The following USP15 variants were observed in gnomAD, a reference collection of about 807,000 sequenced individuals.
USP15 encodes ubiquitin specific peptidase 15.
USP15 carries 18 observed loss-of-function variants against 127.1 expected under a neutral mutation model. The ratio of observed to expected loss-of-function variants is 0.14; its 90% confidence interval spans 0.10 to 0.21. The LOEUF (loss-of-function observed/expected upper bound fraction) is 0.21. USP15 is among the 10% of genes least tolerant of loss of function. USP15 has a pLI of 1.00. For missense variants in USP15, 805 were observed against 1,159.9 expected (o/e 0.69, Z 4.44); for synonymous variants, 364 against 393.7 (o/e 0.92, Z 0.89).
chr12:62,392,636 C>T (rs1190351581), intron 18 of USP15, among the ~76,000 whole-genome samples: 1 of 151,868 alleles, frequency 6.6e-6, no homozygotes, highest in African/African-American at 2.4e-5. Context: ...TTTTAGTTAC[C>T]TTTTTTCCAA....
In USP15 at chr12:62,364,831, A is replaced by G. The variant is rs568952243; in HGVS notation, c.915+9356A>G. Among the ~76,000 whole-genome samples the G allele has an allele frequency of 1.8e-3, 268 of 151,914 alleles. 4 individuals are homozygous for G. Among genetic ancestry groups the G allele is most frequent in the Middle Eastern group, 3.4e-3 (1 of 294 alleles). ...GCAGTGTTTGATTTTCTGTTGTGAT[A>G]GTTTGCTGAGAATGATGGTTTCCAG... On this transcript the variant is annotated intron_variant, in intron 8 of 21. Transcript: ENST00000280377.
chr12:62,408,822 T>TA lies in USP15; in HGVS notation c.*4448dup, dbSNP rs2067960805. 1 of 152,068 alleles carries TA rather than the reference T, an allele frequency of 6.6e-6. No individual in the cohort carries two copies. The highest frequency in any genetic ancestry group is 6.6e-5 in the Admixed American group (1 of 15,248). The allele number at this position is 152,068 out of a possible 1,614,324, so 9.4% of individuals were successfully genotyped here. On this transcript the variant is annotated 3_prime_UTR_variant, in exon 22 of 22. Coordinates refer to ENST00000280377, the MANE Select transcript of USP15 (RefSeq NM_001252078.2). Reference sequence around the variant, plus strand: ...TATGATGGTTTTTTAATAATCATTTTAGGTTTGGAGGCCATTTCAATTCAA... The same window carrying TA: ...TATGATGGTTTTTTAATAATCATTTTAAGGTTTGGAGGCCATTTCAATTCAA...
At chr12:62,339,891 T>C (rs1426065645) in intron 6 of USP15, among the ~76,000 whole-genome samples, 3 of 152,234 alleles carry the variant, frequency 2.0e-5, no homozygotes, top group African/African-American at 7.2e-5. Context: ...AGGATGATGC[T>C]GGCCCCATAA....
intron 1 of USP15, among the ~76,000 whole-genome samples, chr12:62,265,333 A>G (rs747760840): frequency 5.3e-5 from 8 of 152,208 alleles, no homozygotes; most frequent in South Asian, 2.1e-4. Context: ...TAAAAACACT[A>G]TGTGCCAGGT....
At chr12:62,369,084 C>G (rs182361364) in intron 8 of USP15, among the ~76,000 whole-genome samples, 1 of 152,184 alleles carries the variant, frequency 6.6e-6, no homozygotes, top group East Asian at 1.9e-4. Flanking sequence ...TCTAGAAGTT[C>G]ATGTTTAGTG....
intron 4 of USP15, among the ~76,000 whole-genome samples, chr12:62,318,960 T>C (rs552486782): frequency 3.3e-5 from 5 of 152,168 alleles, no homozygotes; most frequent in Non-Finnish European, 5.9e-5. Context: ...TTGGTTAGGA[T>C]TGTTGCAGTA....
intron 8 of USP15, among the ~76,000 whole-genome samples, chr12:62,366,325 G>A (rs1208392237): frequency 3.3e-5 from 5 of 152,196 alleles, no homozygotes; most frequent in Admixed American, 1.3e-4. Flanking sequence ...GTGAATGGAA[G>A]TGCACTCATG....
Position 62,404,463 on chromosome 12 carries a change from G to T in USP15, c.*88G>T, listed in dbSNP as rs898755433. 7.1e-7 allele frequency: 1 copy of T among 1,413,964 alleles called. No homozygotes were observed. The highest frequency in any genetic ancestry group is 9.3e-7 in the Non-Finnish European group (1 of 1,078,016). 87.6% of individuals were successfully genotyped at this position (1,413,964 alleles called of 1,614,324 possible). ...AGTTACCCACCACATTAAAACAAAA[G>T]TCTGAGATGGGGAGTTTCAGATAAC... is the stretch of plus-strand genomic sequence containing the variant. On this transcript the variant is annotated 3_prime_UTR_variant, in exon 22 of 22. Coordinates refer to ENST00000280377, the MANE Select transcript of USP15 (RefSeq NM_001252078.2).
At position 62,411,074 on chromosome 12, in the gene USP15, A is replaced by G. The variant is rs183522598; in HGVS notation, c.*6699A>G. Reference sequence around the variant, plus strand: ...ATTCCTAACCCACAAAAACTGTGAGATAACAGATGTTTGTGTTTTTAGCTG... The same window carrying G: ...ATTCCTAACCCACAAAAACTGTGAGGTAACAGATGTTTGTGTTTTTAGCTG... On this transcript the variant is annotated 3_prime_UTR_variant, in exon 22 of 22. Transcript: ENST00000280377. The G allele has an allele frequency of 6.6e-6, 1 of 152,330 alleles. No individual in the cohort carries two copies. Among genetic ancestry groups the G allele is most frequent in the Non-Finnish European group, 1.5e-5 (1 of 68,038 alleles). The allele number at this position is 152,330 out of a possible 1,614,324, so 9.4% of individuals were successfully genotyped here.
intron 2 of USP15, among the ~76,000 whole-genome samples, chr12:62,297,295 A>G (rs2064159128): frequency 6.6e-6 from 1 of 152,150 alleles, no homozygotes; most frequent in Non-Finnish European, 1.5e-5. Flanking sequence ...GGAAGAGGAA[A>G]AGGAGTGGAG....
intron 11 of USP15, among the ~76,000 whole-genome samples, chr12:62,387,412 G>C (rs538568453): frequency 1.3e-5 from 2 of 152,194 alleles, no homozygotes; most frequent in African/African-American, 4.8e-5. Context: ...CTTCCAAGGA[G>C]AGCATATAAA....
chr12:62,367,686 G>T (rs1263311104), intron 8 of USP15, among the ~76,000 whole-genome samples: 2 of 151,950 alleles, frequency 1.3e-5, no homozygotes, highest in Non-Finnish European at 2.9e-5. Flanking sequence ...GCGTCTTTTT[G>T]ATTCTTCTCT....
At chr12:62,365,167 CCCA>C (rs1281594850) in intron 8 of USP15, among the ~76,000 whole-genome samples, 2 of 152,154 alleles carry the variant, frequency 1.3e-5, no homozygotes, top group African/African-American at 4.8e-5. Context: ...AATTTACACT[CCCA>C]CCAACAGTGT....
At position 62,394,245 on chromosome 12, in the gene USP15, A is replaced by G. The variant is rs888741986; in HGVS notation, c.2570+1043A>G. Among the ~76,000 whole-genome samples the G allele has an allele frequency of 5.9e-5, 9 of 152,350 alleles. 1 individual carries two copies. In the East Asian group the frequency reaches 1.7e-3, roughly 29 times the overall value. ...ACAATATTTTGTACAAGTACTTGGT[A>G]CTATCCCATTTTGCAAAAAGAACTT... On this transcript the variant is annotated intron_variant, in intron 19 of 21. Coordinates refer to ENST00000280377, the MANE Select transcript of USP15 (RefSeq NM_001252078.2).
rs1163620765 is a variant in USP15, at chr12:62,413,758, A to G, written c.*9383A>G. 1 of 151,328 alleles carries G rather than the reference A, an allele frequency of 6.6e-6. No homozygotes were observed. Among genetic ancestry groups the G allele is most frequent in the African/African-American group, 2.4e-5 (1 of 41,220 alleles). 9.4% of individuals were successfully genotyped at this position (151,328 alleles called of 1,614,324 possible). A position where few individuals can be genotyped will look rare whatever the true frequency, so the allele number is the denominator to read the frequency against. ...AGGCTTTCTCTATACCACTTTTCTT[A>G]TGATTCATGTGTTCACTTGAGTAGC... On this transcript the variant is annotated 3_prime_UTR_variant, in exon 22 of 22. Coordinates refer to ENST00000280377, the MANE Select transcript of USP15 (RefSeq NM_001252078.2).
chr12:62,320,199 G>C (rs1050401853), intron 4 of USP15, among the ~76,000 whole-genome samples: 1 of 152,184 alleles, frequency 6.6e-6, no homozygotes, highest in East Asian at 1.9e-4. Flanking sequence ...GGAGGTGCCT[G>C]CTGGGAGGTG....
In USP15 at chr12:62,264,287, G is replaced by T. The variant is rs548177052; in HGVS notation, c.89+3784G>T. 6.6e-5 allele frequency among the ~76,000 whole-genome samples: 10 copies of T among 152,256 alleles called. No individual in the cohort carries two copies. In the Middle Eastern group the frequency reaches 0.01, roughly 155 times the overall value. ...GTGTGAACCACCTGCAAAATTTCTGGCCTGGAAATTTTTAAAGAAATGGGC... is the reference window on the plus strand; with the variant it reads ...GTGTGAACCACCTGCAAAATTTCTGTCCTGGAAATTTTTAAAGAAATGGGC... On this transcript the variant is annotated intron_variant, in intron 1 of 21. Coordinates refer to ENST00000280377, the MANE Select transcript of USP15 (RefSeq NM_001252078.2).
intron 6 of USP15, chr12:62,335,204 T>G (rs1411952411): frequency 6.5e-7 from 1 of 1,535,650 alleles, no homozygotes; most frequent in South Asian, 1.2e-5. Context: ...ACAGTTTAAT[T>G]TCCACATACG....
rs2063170575 is a variant in USP15 at position 62,265,493 on chromosome 12, T to C, written c.89+4990T>C. Among the ~76,000 whole-genome samples, 5 of 152,228 alleles carry C rather than the reference T, an allele frequency of 3.3e-5. No homozygotes were observed. In the South Asian group the frequency reaches 1.0e-3, roughly 32 times the overall value. On this transcript the variant is annotated intron_variant, in intron 1 of 21. Coordinates refer to ENST00000280377, the MANE Select transcript of USP15 (RefSeq NM_001252078.2). ...AGCTGGGATTTGAACCCAAGTAGTTTAGGTCTTTGGTTTGTGCCCTTAAAG... is the reference window on the plus strand; with the variant it reads ...AGCTGGGATTTGAACCCAAGTAGTTCAGGTCTTTGGTTTGTGCCCTTAAAG...
Sources: gnomAD v4.1 joint callset for allele counts (sites outside exome capture counted in the v4.1 genomes callset) on GRCh38, gnomAD v4.1.1 for gene constraint, MANE v1.5 for transcripts, NCBI Gene and HGNC (gene_info 2026-07-23, HGNC 2026-07-21) for gene names.